The following CACNA2D3 variants were observed in gnomAD, a reference collection of about 807,000 sequenced individuals.
The protein encoded by CACNA2D3 is voltage-dependent calcium channel subunit alpha-2/delta-3.
Under a neutral mutation model 160.6 loss-of-function variants are expected in CACNA2D3, and 60 were observed. That is an observed-to-expected ratio of 0.37 (90% CI 0.30 to 0.46). The LOEUF (loss-of-function observed/expected upper bound fraction) is 0.46. Among genes scored for constraint, CACNA2D3 ranks in the 20% least tolerant of loss-of-function variants. The pLI is 1.00. For synonymous variants in CACNA2D3, 558 were observed against 492.9 expected (o/e 1.13, Z -1.75); for missense variants, 1,205 against 1,365.0 (o/e 0.88, Z 1.85).
chr3:54,990,729 C>T (rs1254315286), intron 31 of CACNA2D3, among the ~76,000 whole-genome samples: 1 of 152,130 alleles, frequency 6.6e-6, no homozygotes, highest in East Asian at 1.9e-4. Flanking sequence ...GCAGACCTCT[C>T]CCCTGACCAT....
intron 11 of CACNA2D3, among the ~76,000 whole-genome samples, chr3:54,682,081 G>C (rs978701632): frequency 2.6e-5 from 4 of 151,934 alleles, no homozygotes; most frequent in Admixed American, 2.0e-4. Context: ...TTTGAATCAT[G>C]TGTGCGTGAT....
chr3:54,432,692 C>T (rs557691400), intron 4 of CACNA2D3, among the ~76,000 whole-genome samples: 23 of 152,272 alleles, frequency 1.5e-4, no homozygotes, highest in Non-Finnish European at 2.8e-4. Flanking sequence ...ATGCATATTG[C>T]TGCTGCTCTG....
chr3:54,940,889 T>C (rs76600938), intron 27 of CACNA2D3, among the ~76,000 whole-genome samples: 2,162 of 152,314 alleles, frequency 0.014, 51 homozygotes, highest in African/African-American at 0.048. Flanking sequence ...GGTATCTGTA[T>C]GTTTGCATCT....
chr3:54,885,070 G>T (rs1264851264), intron 21 of CACNA2D3, among the ~76,000 whole-genome samples: 1 of 152,122 alleles, frequency 6.6e-6, no homozygotes, highest in Non-Finnish European at 1.5e-5. Context: ...GGCAGTGCTG[G>T]GCTGAGTGAG....
chr3:54,809,598 G>C lies in CACNA2D3; in HGVS notation c.1381-7255G>C, dbSNP rs560569968. On this transcript the variant is annotated intron_variant, in intron 13 of 37. Coordinates refer to ENST00000474759, the MANE Select transcript of CACNA2D3 (RefSeq NM_018398.3). Reference sequence around the variant, plus strand: ...CTCCCAAAGTGCTGGGATTACAGGCGTGAGCCACCGCGCCCGGCCCCTTCC... The same window carrying C: ...CTCCCAAAGTGCTGGGATTACAGGCCTGAGCCACCGCGCCCGGCCCCTTCC... 4.3e-4 allele frequency among the ~76,000 whole-genome samples: 61 copies of C among 140,510 alleles called. 6 individuals are homozygous for C. Among genetic ancestry groups the C allele is most frequent in the African/African-American group, 1.9e-3 (59 of 31,162 alleles). The allele number at this position is 140,510 out of a possible 152,430, so 92.2% of individuals were successfully genotyped here. A position where few individuals can be genotyped will look rare whatever the true frequency, so the allele number is the denominator to read the frequency against.
intron 11 of CACNA2D3, among the ~76,000 whole-genome samples, chr3:54,683,902 A>G (rs973609194): frequency 4.0e-5 from 6 of 150,484 alleles, no homozygotes; most frequent in Admixed American, 6.6e-5. Context: ...CATAACTCCA[A>G]TCCTTGCCCC....
chr3:54,743,625 A>T (rs1488530466), intron 11 of CACNA2D3, among the ~76,000 whole-genome samples: 1 of 152,192 alleles, frequency 6.6e-6, no homozygotes, highest in Admixed American at 6.5e-5. Context: ...GACATAAGTC[A>T]ATTTTCTGAT....
At chr3:54,921,477 AT>A (rs1488539462) in intron 27 of CACNA2D3, among the ~76,000 whole-genome samples, 2 of 152,162 alleles carry the variant, frequency 1.3e-5, no homozygotes, top group Non-Finnish European at 2.9e-5. Flanking sequence ...CTGTGTGCAT[AT>A]TTCTTTGGAG....
intron 5 of CACNA2D3, among the ~76,000 whole-genome samples, chr3:54,527,176 C>A (rs1701736835): frequency 6.6e-6 from 1 of 152,220 alleles, no homozygotes; most frequent in African/African-American, 2.4e-5. Context: ...AGCAAACTTA[C>A]CAGCCTACAG....
At chr3:54,691,807 A>G (rs911325557) in intron 11 of CACNA2D3, among the ~76,000 whole-genome samples, 2 of 152,078 alleles carry the variant, frequency 1.3e-5, no homozygotes, top group Admixed American at 6.6e-5. Context: ...CATTTGCAGT[A>G]TTTCATTTAT....
chr3:54,196,902 A>C (rs1487511087), intron 2 of CACNA2D3, among the ~76,000 whole-genome samples: 1 of 152,202 alleles, frequency 6.6e-6, no homozygotes, highest in African/African-American at 2.4e-5. Context: ...AATGCCAGAC[A>C]TGATTATGGT....
intron 17 of CACNA2D3, among the ~76,000 whole-genome samples, chr3:54,851,183 T>C (rs886535044): frequency 1.3e-5 from 2 of 152,230 alleles, no homozygotes; most frequent in African/African-American, 2.4e-5. Context: ...GTTTCACATG[T>C]GTTAATGCTT....
intron 3 of CACNA2D3, 21 bp from the exon 4 acceptor site, chr3:54,386,694 G>GTTTTTTTTTTTTTTTTTTTTTTT: frequency 7.1e-7 from 1 of 1,407,598 alleles, no homozygotes; most frequent in Non-Finnish European, 9.4e-7. Context: ...GCTGTCTTCT[G>GTTTTTTTTTTTTTTTTTTTTTTT]TTTTTTTTTT....
chr3:54,764,984 G>GAA (rs771053773), intron 13 of CACNA2D3, among the ~76,000 whole-genome samples: 3 of 152,166 alleles, frequency 2.0e-5, no homozygotes, highest in Non-Finnish European at 1.5e-5. Flanking sequence ...GGTTTCTTAT[G>GAA]TAATCTCAGG....
At chr3:54,955,542 A>G (rs1254851841) in intron 27 of CACNA2D3, among the ~76,000 whole-genome samples, 1 of 152,212 alleles carries the variant, frequency 6.6e-6, no homozygotes, top group Admixed American at 6.5e-5. Context: ...AAGAGGAGAA[A>G]CAATACTAAG....
In CACNA2D3 at chr3:54,798,070, C is replaced by T. The variant is rs528126610; in HGVS notation, c.1381-18783C>T. ...AGTGTGACACTTAAAATATTACTCA[C>T]TTCAGCTACTGTATTATAAAGTTAT... On this transcript the variant is annotated intron_variant, in intron 13 of 37. Transcript: ENST00000474759. Among the ~76,000 whole-genome samples the T allele has an allele frequency of 2.6e-5, 4 of 152,320 alleles. No homozygotes were observed. The South Asian group carries it at 8.3e-4, about 32-fold the overall frequency.
chr3:54,566,285 A>T (rs1479746627), intron 6 of CACNA2D3, among the ~76,000 whole-genome samples: 1 of 152,214 alleles, frequency 6.6e-6, no homozygotes, highest in Non-Finnish European at 1.5e-5. Context: ...GACACTGGGC[A>T]TGCCCATCTG....
intron 11 of CACNA2D3, among the ~76,000 whole-genome samples, chr3:54,658,320 T>A (rs1699909189): frequency 6.6e-6 from 1 of 152,224 alleles, no homozygotes; most frequent in South Asian, 2.1e-4. Flanking sequence ...GTGTTCTTCC[T>A]TTTTCTCATC....
intron 35 of CACNA2D3, among the ~76,000 whole-genome samples, chr3:55,052,851 T>C (rs1231249723): frequency 6.6e-6 from 1 of 152,138 alleles, no homozygotes; most frequent in Non-Finnish European, 1.5e-5. Flanking sequence ...CCCCATCTTT[T>C]AGCTTTAATC....
Sources: gnomAD v4.1 joint callset for allele counts (sites outside exome capture counted in the v4.1 genomes callset) on GRCh38, gnomAD v4.1.1 for gene constraint, MANE v1.5 for transcripts, NCBI Gene and HGNC (gene_info 2026-07-23, HGNC 2026-07-21) for gene names.